The following EXOC4 variants were observed in gnomAD, a reference collection of about 807,000 sequenced individuals.
EXOC4 encodes the protein SEC8-like 1.
EXOC4 carries 71 observed loss-of-function variants against 107.2 expected under a neutral mutation model. That is an observed-to-expected ratio of 0.66 (90% confidence interval 0.55 to 0.81). The LOEUF is 0.81. Ranked by LOEUF, EXOC4 falls within the 30% of genes least tolerant of loss-of-function variation. The pLI is 0.00. For synonymous variants in EXOC4, 456 were observed against 441.2 expected (o/e 1.03, Z -0.42); for missense variants, 1,108 against 1,189.6 (o/e 0.93, Z 1.01).
intron 13 of EXOC4, among the ~76,000 whole-genome samples, chr7:133,933,853 G>A (rs1800236193): frequency 6.6e-6 from 1 of 152,188 alleles, no homozygotes; most frequent in African/African-American, 2.4e-5. Context: ...CTCATATGTG[G>A]TGAGACGTTC....
chr7:133,581,098 C>T (rs1801257278), intron 9 of EXOC4, among the ~76,000 whole-genome samples: 1 of 152,136 alleles, frequency 6.6e-6, no homozygotes, highest in African/African-American at 2.4e-5. Flanking sequence ...AAGACTGGGC[C>T]TATGTTTCCT....
intron 12 of EXOC4, among the ~76,000 whole-genome samples, chr7:133,903,917 G>A (rs919992181): frequency 2.0e-5 from 3 of 152,196 alleles, no homozygotes; most frequent in Admixed American, 1.3e-4. Flanking sequence ...GTGTTGTAGT[G>A]TTGCCAGCAT....
intron 10 of EXOC4, among the ~76,000 whole-genome samples, chr7:133,723,220 G>A (rs1795142558): frequency 6.6e-6 from 1 of 152,180 alleles, no homozygotes; most frequent in Admixed American, 6.5e-5. Context: ...GAGGGGAGAA[G>A]AGGTCAGGCA....
At chr7:133,947,295 C>T (rs1800576678) in intron 14 of EXOC4, among the ~76,000 whole-genome samples, 1 of 152,160 alleles carries the variant, frequency 6.6e-6, no homozygotes, top group African/African-American at 2.4e-5. Context: ...TCCCCTTCCT[C>T]CTGCCCCTTC....
At chr7:134,017,323 T>A (rs899736163) in intron 17 of EXOC4, among the ~76,000 whole-genome samples, 6 of 152,174 alleles carry the variant, frequency 3.9e-5, no homozygotes, top group Non-Finnish European at 8.8e-5. Context: ...ATCTCTTAAA[T>A]TTAATAGTGA....
intron 10 of EXOC4, among the ~76,000 whole-genome samples, chr7:133,769,343 A>G (rs1443241019): frequency 3.3e-5 from 5 of 151,916 alleles, no homozygotes; most frequent in Non-Finnish European, 7.4e-5. Flanking sequence ...TTGGTGTTTC[A>G]TAGCAGCTGA....
At chr7:133,416,858 G>T (rs930119946) in intron 7 of EXOC4, among the ~76,000 whole-genome samples, 23 of 152,178 alleles carry the variant, frequency 1.5e-4, no homozygotes, top group African/African-American at 5.5e-4. Context: ...GGAATGCACG[G>T]TGAGTGCCCT....
At chr7:133,920,320 C>T (rs1799909030) in intron 13 of EXOC4, among the ~76,000 whole-genome samples, 1 of 152,146 alleles carries the variant, frequency 6.6e-6, no homozygotes, top group African/African-American at 2.4e-5. Flanking sequence ...TTTCTCCCAG[C>T]CTGTAGTTTG....
chr7:133,877,969 G>C (rs1798885220), intron 11 of EXOC4, among the ~76,000 whole-genome samples: 1 of 152,112 alleles, frequency 6.6e-6, no homozygotes, highest in South Asian at 2.1e-4. Context: ...GGCACTCAGA[G>C]GGCTCACGTC....
intron 10 of EXOC4, among the ~76,000 whole-genome samples, chr7:133,672,056 A>G (rs187555203): frequency 1.9e-4 from 29 of 152,328 alleles, no homozygotes; most frequent in Admixed American, 1.0e-3. Flanking sequence ...ACTGTTCAAT[A>G]TAATAGCCAC....
rs546516527 is a variant in EXOC4 at position 133,519,271 on chromosome 7, T to G, written c.1417+39133T>G. On this transcript the variant is annotated intron_variant, in intron 9 of 17. Coordinates refer to ENST00000253861, the MANE Select transcript of EXOC4 (RefSeq NM_021807.4). Reference sequence around the variant, plus strand: ...CTCTATAAAAAATACAAAAATTAGCTTGGCGTGGTGGCATACACCTGAAGT... The same window carrying G: ...CTCTATAAAAAATACAAAAATTAGCGTGGCGTGGTGGCATACACCTGAAGT... Among the ~76,000 whole-genome samples the G allele has an allele frequency of 3.3e-5, 5 of 152,022 alleles. No homozygotes were observed. In the East Asian group the frequency reaches 9.7e-4, roughly 29 times the overall value.
At chr7:133,911,997 A>C (rs1468563097) in intron 12 of EXOC4, among the ~76,000 whole-genome samples, 1 of 152,212 alleles carries the variant, frequency 6.6e-6, no homozygotes, top group African/African-American at 2.4e-5. Flanking sequence ...TGAATGGTGA[A>C]ATTGAAATTT....
chr7:133,501,842 A>G (rs1025523307), intron 9 of EXOC4, among the ~76,000 whole-genome samples: 7 of 152,148 alleles, frequency 4.6e-5, no homozygotes, highest in South Asian at 2.1e-4. Context: ...TATTAATGCA[A>G]TCATCTAGTT....
chr7:133,316,693 A>G (rs1267852138), intron 4 of EXOC4, among the ~76,000 whole-genome samples: 1 of 152,206 alleles, frequency 6.6e-6, no homozygotes, highest in East Asian at 1.9e-4. Flanking sequence ...TTCTTAGGAA[A>G]GGTGAAATGG....
intron 9 of EXOC4, among the ~76,000 whole-genome samples, chr7:133,510,426 A>G (rs1047177704): frequency 1.8e-4 from 27 of 152,162 alleles, no homozygotes; most frequent in African/African-American, 6.5e-4. Context: ...TGCTGTGAAC[A>G]TTGCTCTTCA....
At chr7:133,572,074 G>A (rs1801035711) in intron 9 of EXOC4, among the ~76,000 whole-genome samples, 1 of 152,178 alleles carries the variant, frequency 6.6e-6, no homozygotes, top group Non-Finnish European at 1.5e-5. Flanking sequence ...GTTACTGGGT[G>A]AAAATATACA....
chr7:133,878,748 A>G (rs11487002), intron 11 of EXOC4, among the ~76,000 whole-genome samples: 21,501 of 151,982 alleles, frequency 0.14, 1,743 homozygotes, highest in African/African-American at 0.2. Context: ...TTTTGAGACG[A>G]AGTCTTGCTG....
downstream of EXOC4, among the ~76,000 whole-genome samples, chr7:134,068,826 A>G (rs112466283): frequency 7.7e-4 from 118 of 152,268 alleles, 1 homozygote; most frequent in Middle Eastern, 3.4e-3. Flanking sequence ...TTGGCAACCA[A>G]ACCCTAATGC....
chr7:134,019,025 G>A (rs993124544), intron 17 of EXOC4, among the ~76,000 whole-genome samples: 1 of 152,098 alleles, frequency 6.6e-6, no homozygotes, highest in Non-Finnish European at 1.5e-5. Context: ...CGCCTCCCAG[G>A]TTCAAGCGAT....
Sources: allele counts gnomAD v4.1 joint callset (sites outside exome capture counted in the v4.1 genomes callset), GRCh38; gene constraint gnomAD v4.1.1; transcripts MANE v1.5; gene names NCBI Gene and HGNC (gene_info 2026-07-23, HGNC 2026-07-21).